The following NTAN1 variants were observed in gnomAD, a reference collection of about 807,000 sequenced individuals.
NTAN1 encodes the protein N-terminal asparagine amidase.
A neutral mutation model predicts 41.9 loss-of-function variants in NTAN1; 32 were observed. That is an observed-to-expected ratio of 0.76 (90% CI 0.58 to 1.03). The LOEUF (loss-of-function observed/expected upper bound fraction) is 1.03. Among genes scored for constraint, NTAN1 ranks in the 50% least tolerant of loss-of-function variants. The pLI is 0.00. For synonymous variants in NTAN1, 140 were observed against 139.5 expected (o/e 1.00, Z -0.03); for missense variants, 377 against 377.5 (o/e 1.00, Z 0.01).
At chr16:15,042,718 C>CTATCTATT (rs139592465) in intron 5 of NTAN1, among the ~76,000 whole-genome samples, 1 of 147,004 alleles carries the variant, frequency 6.8e-6, no homozygotes, top group Non-Finnish European at 1.5e-5. Context: ...AAAGGATGAA[C>CTATCTATT]TATTTATTTA....
In NTAN1 at chr16:15,041,087, A is replaced by G. The variant is rs1485638793; in HGVS notation, c.522T>C (p.Phe174=). 1 of 1,602,316 alleles carries G rather than the reference A, an allele frequency of 6.2e-7. No homozygotes were observed. Among genetic ancestry groups the G allele is most frequent in the Non-Finnish European group, 8.6e-7 (1 of 1,169,276 alleles). ...LNDREENENH[F]PVIYGIAVNI... ...ACTTACCAATGCCATATATTACTGG[A>G]AAGTGGTTTTCGTTTTCTTCCCGGT... The change falls in exon 7 of 10, where the codon TTT becomes TTC. Residue 174 remains phenylalanine (F), a synonymous_variant. Coordinates refer to ENST00000287706, the MANE Select transcript of NTAN1 (RefSeq NM_173474.4).
intron 1 of NTAN1, 70 bp downstream of exon 1, chr16:15,055,821 G>C (rs937823789): frequency 2.9e-5 from 24 of 837,694 alleles, no homozygotes; most frequent in Admixed American, 4.4e-5. Context: ...TGTCGCGTGA[G>C]GGGGGCGCTA....
At chr16:15,054,441 G>C (rs80140327) in intron 1 of NTAN1, among the ~76,000 whole-genome samples, 1 of 152,332 alleles carries the variant, frequency 6.6e-6, no homozygotes, top group East Asian at 1.9e-4. Context: ...AGACATAAAA[G>C]TAGAGCATCC....
chr16:15,053,667 T>C (rs1413939916), intron 1 of NTAN1, among the ~76,000 whole-genome samples: 6 of 152,042 alleles, frequency 3.9e-5, no homozygotes, highest in African/African-American at 2.4e-5. Context: ...TCCCAGCACT[T>C]TGGGAGGCCG....
At chr16:15,038,268 T>C (rs1467301285) in intron 9 of NTAN1, 58 bp from the exon 10 acceptor site, 3 of 1,206,470 alleles carry the variant, frequency 2.5e-6, no homozygotes, top group Non-Finnish European at 3.6e-6. Flanking sequence ...CCTGCTGTGA[T>C]AAAGATGTCA....
At chr16:15,049,295 C>T (rs1448481071) in intron 1 of NTAN1, among the ~76,000 whole-genome samples, 1 of 152,180 alleles carries the variant, frequency 6.6e-6, no homozygotes, top group Non-Finnish European at 1.5e-5. Flanking sequence ...TCCTACAGTG[C>T]TGGGATTACA....
At position 15,038,051 on chromosome 16, in the gene NTAN1, T is replaced by A. The variant is rs1012084716; in HGVS notation, c.913A>T (p.Ile305Phe). 2 of 1,612,464 alleles carry A rather than the reference T, an allele frequency of 1.2e-6. No individual in the cohort carries two copies. The highest frequency in any genetic ancestry group is 2.7e-5 in the African/African-American group (2 of 74,838). ...GTTTTTTAACTTCCTGGAGAAGAGA[T>A]CTTTTCCCACAAGCCATCTTCATTT... ...KKNEDGLWEK[I>F]SSPGS is the part of the protein sequence containing the mutation. Residue 305 changes from isoleucine (I) to phenylalanine (F), a missense_variant, in exon 10 of 10, where the codon ATC (isoleucine) becomes TTC (phenylalanine). Ile to Phe is a conservative substitution (Grantham distance 21). Coordinates refer to ENST00000287706, the MANE Select transcript of NTAN1 (RefSeq NM_173474.4).
rs1567750716 is a variant in NTAN1, at chr16:15,038,258, C to T, written c.754-48G>A. 3.0e-6 allele frequency: 4 copies of T among 1,318,034 alleles called. No individual in the cohort carries two copies. In the South Asian group the frequency reaches 5.1e-5, roughly 17 times the overall value. 81.6% of individuals were successfully genotyped at this position (1,318,034 alleles called of 1,614,324 possible). On this transcript the variant is annotated intron_variant, in intron 9 of 9. Transcript: ENST00000287706. Reference sequence around the variant, plus strand: ...ATTAGAGAAGCCAACCTTACTGTCCCCTGCTGTGATAAAGATGTCAAAGTA... The same window carrying T: ...ATTAGAGAAGCCAACCTTACTGTCCTCTGCTGTGATAAAGATGTCAAAGTA...
At chr16:15,049,338 T>C (rs2044208227) in intron 1 of NTAN1, among the ~76,000 whole-genome samples, 1 of 152,166 alleles carries the variant, frequency 6.6e-6, no homozygotes, top group Non-Finnish European at 1.5e-5. Context: ...CTCCGCTTTT[T>C]TACCTTAGTC....
At chr16:15,051,147 C>T (rs1026563079) in intron 1 of NTAN1, among the ~76,000 whole-genome samples, 2 of 152,194 alleles carry the variant, frequency 1.3e-5, no homozygotes, top group South Asian at 4.1e-4. Context: ...GAAGGGAGGG[C>T]GCAAAGGCGA....
chr16:15,042,335 G>A (rs568632172), intron 5 of NTAN1, among the ~76,000 whole-genome samples: 10 of 151,546 alleles, frequency 6.6e-5, no homozygotes, highest in Admixed American at 2.0e-4. Context: ...ACAGACTTGC[G>A]CCACCATGCC....
intron 4 of NTAN1, chr16:15,045,123 CAAA>C (rs71150202): frequency 3.0e-5 from 3 of 98,710 alleles, no homozygotes; most frequent in Non-Finnish European, 4.0e-5. Context: ...GACTCTATCT[CAAA>C]AAAAAAAAAA....
In NTAN1 at chr16:15,037,970, T is replaced by C; in HGVS notation, c.*61A>G. ...GATGTAGGATCCAGATCTGGATTCG[T>C]GCCAGCCCCACCAATGGTCTGTCAG... On this transcript the variant is annotated 3_prime_UTR_variant, in exon 10 of 10. Transcript: ENST00000287706. The C allele has an allele frequency of 7.7e-7, 1 of 1,290,650 alleles. No individual in the cohort carries two copies. The highest frequency in any genetic ancestry group is 1.1e-6 in the Non-Finnish European group (1 of 902,696). The allele number at this position is 1,290,650 out of a possible 1,614,324, so 79.9% of individuals were successfully genotyped here.
At chr16:15,050,522 TAA>T (rs1487876807) in intron 1 of NTAN1, among the ~76,000 whole-genome samples, 1 of 152,096 alleles carries the variant, frequency 6.6e-6, no homozygotes, top group African/African-American at 2.4e-5. Flanking sequence ...TGCTTGAGCC[TAA>T]GAGTTCAAAA....
At chr16:15,051,849 G>A (rs563109421) in intron 1 of NTAN1, among the ~76,000 whole-genome samples, 196 of 152,090 alleles carry the variant, frequency 1.3e-3, no homozygotes, top group African/African-American at 4.5e-3. Context: ...AACCACAGGC[G>A]CACGCCACCA....
intron 1 of NTAN1, chr16:15,055,592 G>A (rs1021532505): frequency 5.2e-5 from 15 of 286,662 alleles, no homozygotes; most frequent in African/African-American, 2.8e-4. Flanking sequence ...CCCCGTCGGG[G>A]AATGGGGGTC....
At chr16:15,040,355 C>T (rs959736139) in intron 7 of NTAN1, 1 of 364,086 alleles carries the variant, frequency 2.7e-6, no homozygotes, top group African/African-American at 2.1e-5. Flanking sequence ...TGTAGCAAAA[C>T]CTCTGGTCAT....
At chr16:15,053,069 T>G (rs1324587728) in intron 1 of NTAN1, among the ~76,000 whole-genome samples, 4 of 152,102 alleles carry the variant, frequency 2.6e-5, no homozygotes, top group African/African-American at 9.7e-5. Flanking sequence ...GCTCGGCACT[T>G]GAAATGTGGC....
In NTAN1 at chr16:15,047,937, T is replaced by G. The variant is rs201113358; in HGVS notation, c.185-17A>C. 2.4e-5 allele frequency: 38 copies of G among 1,610,512 alleles called. No homozygotes were observed. The highest frequency in any genetic ancestry group is 4.5e-5 in the East Asian group (2 of 44,856). On this transcript the variant is annotated splice_polypyrimidine_tract_variant and intron_variant, in intron 2 of 9. Coordinates refer to ENST00000287706, the MANE Select transcript of NTAN1 (RefSeq NM_173474.4). The stretch of plus-strand genomic sequence containing the variant: ...AGATGGAGCCTGTTTAAAAAAGAAA[T>G]AAAATAAAATATCCAATAGCCTTTT...
Sources: gnomAD v4.1 joint callset for allele counts (sites outside exome capture counted in the v4.1 genomes callset) on GRCh38, gnomAD v4.1.1 for gene constraint, MANE v1.5 for transcripts, NCBI Gene and HGNC (gene_info 2026-07-23, HGNC 2026-07-21) for gene names.